COL26A1: variants seen among roughly 807,000 people sequenced by gnomAD.
The protein encoded by COL26A1 is collagen type XXVI alpha 1 chain, also known as collagen alpha-1(XXVI) chain.
A neutral mutation model predicts 59.3 loss-of-function variants in COL26A1; 41 were observed. The ratio of observed to expected loss-of-function variants is 0.69; its 90% CI spans 0.54 to 0.90. The LOEUF (loss-of-function observed/expected upper bound fraction) is 0.90. Ranked by LOEUF, COL26A1 falls within the 40% of genes least tolerant of loss-of-function variation. The probability of loss-of-function intolerance (pLI) is 0.00; values close to 1 mark genes in which losing one functional copy is unlikely to be tolerated. For synonymous variants in COL26A1, 266 were observed against 256.0 expected (o/e 1.04, Z -0.37); for missense variants, 612 against 602.3 (o/e 1.02, Z -0.17).
intron 3 of COL26A1, among the ~76,000 whole-genome samples, chr7:101,530,948 C>T (rs888724756): frequency 2.4e-4 from 37 of 151,392 alleles, no homozygotes; most frequent in Non-Finnish European, 1.8e-4. Context: ...TTTTTTATTT[C>T]TTGTTTTTTT....
At chr7:101,424,452 G>T (rs1034797290) in intron 2 of COL26A1, among the ~76,000 whole-genome samples, 94 of 152,070 alleles carry the variant, frequency 6.2e-4, no homozygotes, top group African/African-American at 2.1e-3. Flanking sequence ...ACAAAAATTA[G>T]CCAGGTGTGA....
chr7:101,430,463 A>G (rs1792752426), intron 2 of COL26A1, among the ~76,000 whole-genome samples: 1 of 142,352 alleles, frequency 7.0e-6, no homozygotes, highest in African/African-American at 2.6e-5. Context: ...TAATTTTTGT[A>G]TTTTTTTTTT....
intron 3 of COL26A1, among the ~76,000 whole-genome samples, chr7:101,482,695 G>A (rs571866391): frequency 3.3e-5 from 5 of 152,252 alleles, no homozygotes; most frequent in Admixed American, 2.0e-4. Context: ...GGTGACTCAC[G>A]CCTGTAATCC....
chr7:101,401,699 A>AGGAG (rs1792007230), intron 1 of COL26A1, among the ~76,000 whole-genome samples: 2 of 78,296 alleles, frequency 2.6e-5, no homozygotes, highest in African/African-American at 7.0e-5. Context: ...AGGAGGAGGA[A>AGGAG]GAGTAGGAGG....
chr7:101,471,198 C>T (rs570302834), intron 3 of COL26A1, among the ~76,000 whole-genome samples: 7 of 152,262 alleles, frequency 4.6e-5, no homozygotes, highest in East Asian at 1.9e-4. Context: ...CCAGCCCCCA[C>T]GTGCCATAAT....
chr7:101,397,619 C>T (rs1791892431), intron 1 of COL26A1, among the ~76,000 whole-genome samples: 1 of 151,088 alleles, frequency 6.6e-6, no homozygotes, highest in Admixed American at 6.6e-5. Flanking sequence ...TCAGTGCAGC[C>T]TCAACCTCCT....
At chr7:101,446,110 A>G (rs1046237391) in intron 2 of COL26A1, among the ~76,000 whole-genome samples, 3 of 150,740 alleles carry the variant, frequency 2.0e-5, no homozygotes, top group Non-Finnish European at 3.0e-5. Flanking sequence ...TTAAATAACC[A>G]GATGTCACGT....
At chr7:101,548,958 G>A (rs894409777) in intron 8 of COL26A1, among the ~76,000 whole-genome samples, 2 of 152,198 alleles carry the variant, frequency 1.3e-5, no homozygotes, top group African/African-American at 2.4e-5. Flanking sequence ...GGGAGGAGGA[G>A]GTGTGGGAGC....
intron 3 of COL26A1, among the ~76,000 whole-genome samples, chr7:101,490,450 C>T (rs1010598916): frequency 1.9e-4 from 29 of 151,988 alleles, no homozygotes; most frequent in African/African-American, 7.0e-4. Context: ...ACCTGTAATC[C>T]CAGCACTTTG....
At chr7:101,400,291 G>A (rs1290246123) in intron 1 of COL26A1, among the ~76,000 whole-genome samples, 4 of 151,892 alleles carry the variant, frequency 2.6e-5, no homozygotes, top group African/African-American at 7.3e-5. Flanking sequence ...TGGTGGGCTC[G>A]GTCATGGAGT....
At chr7:101,524,176 C>A (rs1308043224) in intron 3 of COL26A1, among the ~76,000 whole-genome samples, 1 of 151,586 alleles carries the variant, frequency 6.6e-6, no homozygotes, top group Non-Finnish European at 1.5e-5. Flanking sequence ...GAGGCTGAGG[C>A]ACTAGAGTTG....
intron 3 of COL26A1, among the ~76,000 whole-genome samples, chr7:101,482,196 C>A (rs556274200): frequency 6.6e-6 from 1 of 151,982 alleles, no homozygotes; most frequent in Admixed American, 6.6e-5. Flanking sequence ...TTAGTAGAGA[C>A]GGGGTTTTGC....
chr7:101,371,390 T>C (rs975102599), intron 1 of COL26A1, among the ~76,000 whole-genome samples: 2 of 152,164 alleles, frequency 1.3e-5, no homozygotes, highest in African/African-American at 4.8e-5. Flanking sequence ...GCCTCATGCC[T>C]TTAATCCCAG....
chr7:101,415,097 G>T (rs1792340370), intron 1 of COL26A1, among the ~76,000 whole-genome samples: 1 of 151,962 alleles, frequency 6.6e-6, no homozygotes, highest in Non-Finnish European at 1.5e-5. Context: ...TGGTAATGCT[G>T]CATGATTTAC....
intron 3 of COL26A1, among the ~76,000 whole-genome samples, chr7:101,474,931 G>A (rs1793997427): frequency 6.6e-6 from 1 of 152,178 alleles, no homozygotes; most frequent in African/African-American, 2.4e-5. Flanking sequence ...AGTGGCTCAC[G>A]CCTGTAATCC....
intron 3 of COL26A1, among the ~76,000 whole-genome samples, chr7:101,454,220 A>G (rs975522619): frequency 6.6e-5 from 10 of 151,930 alleles, no homozygotes; most frequent in Non-Finnish European, 1.2e-4. Context: ...TCAAACTGCA[A>G]AGAAGTGTCC....
intron 1 of COL26A1, among the ~76,000 whole-genome samples, chr7:101,383,041 C>CAA (rs66931819): frequency 6.6e-6 from 1 of 151,742 alleles, no homozygotes. Context: ...GATCCTGTCT[C>CAA]AAAAAAACAA....
rs1175653802 is a variant in COL26A1, at chr7:101,363,115, C to G, written c.83C>G (p.Ser28Trp). Residue 28 changes from serine to tryptophan, a missense_variant, in exon 1 of 13, where the codon TCG becomes TGG. By Grantham distance (177) the Ser-to-Trp change is radical (BLOSUM62 -3). Coordinates refer to ENST00000313669, the MANE Select transcript of COL26A1 (RefSeq NM_001278563.3). ...ALATGFLYPF[S>W]AAALQQHGYP... is the part of the protein sequence containing the mutation. Reference sequence around the variant, plus strand: ...GCCACCGGCTTCCTCTATCCCTTCTCGGCCGCAGCTCTGCAGCAGCACGGC... The same window carrying G: ...GCCACCGGCTTCCTCTATCCCTTCTGGGCCGCAGCTCTGCAGCAGCACGGC... 2 of 1,546,520 alleles carry G rather than the reference C, an allele frequency of 1.3e-6. No homozygotes were observed. The highest frequency in any genetic ancestry group is 1.4e-5 in the African/African-American group (1 of 71,426).
intron 3 of COL26A1, among the ~76,000 whole-genome samples, chr7:101,483,954 A>G (rs79795191): frequency 3.3e-5 from 5 of 150,448 alleles, no homozygotes; most frequent in Non-Finnish European, 5.9e-5. Flanking sequence ...GATTACAGGC[A>G]TGAGCCACTG....
Sources: gnomAD v4.1 joint callset for allele counts (sites outside exome capture counted in the v4.1 genomes callset) on GRCh38, gnomAD v4.1.1 for gene constraint, MANE v1.5 for transcripts, NCBI Gene and HGNC (gene_info 2026-07-23, HGNC 2026-07-21) for gene names.